Variants in DIP2C observed in about 807,000 individuals in gnomAD.
The protein encoded by DIP2C is DIP2 acetate--CoA ligase C (putative), also known as disco-interacting protein 2 homolog C.
Under a neutral mutation model 192.4 loss-of-function variants are expected in DIP2C, and 33 were observed. The ratio of observed to expected loss-of-function variants is 0.17; its 90% CI spans 0.13 to 0.23. The LOEUF is 0.23. Among genes scored for constraint, DIP2C ranks in the 10% least tolerant of loss-of-function variants. DIP2C has a pLI of 1.00. For synonymous variants in DIP2C, 979 were observed against 864.1 expected (o/e 1.13, Z -2.33); for missense variants, 1,537 against 2,110.1 (o/e 0.73, Z 5.32).
At chr10:343,247 C>T (rs918856696) in intron 28 of DIP2C, among the ~76,000 whole-genome samples, 6 of 152,232 alleles carry the variant, frequency 3.9e-5, no homozygotes, top group African/African-American at 9.6e-5. Context: ...TGAGATCGCA[C>T]CACTGCACTC....
intron 29 of DIP2C, among the ~76,000 whole-genome samples, chr10:339,233 T>C (rs1454057693): frequency 6.6e-6 from 1 of 151,908 alleles, no homozygotes; most frequent in African/African-American, 2.4e-5. Context: ...ACCCAAGTGC[T>C]TTTTTTGTTT....
chr10:304,991 C>T (rs955793106), intron 32 of DIP2C, among the ~76,000 whole-genome samples: 1 of 151,010 alleles, frequency 6.6e-6, no homozygotes, highest in Non-Finnish European at 1.5e-5. Context: ...TTGAAAGTCA[C>T]ACAACTGCAA....
chr10:552,876 T>C (rs1215284435), intron 1 of DIP2C, among the ~76,000 whole-genome samples: 1 of 152,208 alleles, frequency 6.6e-6, no homozygotes, highest in African/African-American at 2.4e-5. Flanking sequence ...ACCCCATGTC[T>C]GCCCTGGCTC....
chr10:555,897 C>T (rs1356100680), intron 1 of DIP2C, among the ~76,000 whole-genome samples: 4 of 152,130 alleles, frequency 2.6e-5, no homozygotes, highest in African/African-American at 7.2e-5. Context: ...GAACACCCTT[C>T]CTGCATGACC....
In DIP2C at chr10:313,196, C is replaced by G. The variant is rs533977602; in HGVS notation, c.3925-3104G>C. On this transcript the variant is annotated intron_variant, in intron 31 of 36. Transcript: ENST00000280886. The stretch of plus-strand genomic sequence containing the variant: ...TGCCAAAGAATGCTAGCCAGTGTTC[C>G]CTTAAATACGGAGATCCCTAATGCA... Among the ~76,000 whole-genome samples, 4 of 152,252 alleles carry G rather than the reference C, an allele frequency of 2.6e-5. No homozygotes were observed. The South Asian group carries it at 8.3e-4, about 32-fold the overall frequency.
intron 1 of DIP2C, among the ~76,000 whole-genome samples, chr10:619,162 C>G (rs1228213343): frequency 2.0e-5 from 3 of 152,150 alleles, no homozygotes; most frequent in Non-Finnish European, 4.4e-5. Context: ...ACACTGATGC[C>G]GTCCCCCTAA....
At chr10:439,558 A>C (rs184684724) in intron 4 of DIP2C, among the ~76,000 whole-genome samples, 220 of 152,036 alleles carry the variant, frequency 1.4e-3, no homozygotes, top group African/African-American at 4.8e-3. Flanking sequence ...TCACGGCTGC[A>C]GTGAGCCAAG....
At chr10:539,894 T>C (rs1426308577) in intron 1 of DIP2C, among the ~76,000 whole-genome samples, 1 of 152,220 alleles carries the variant, frequency 6.6e-6, no homozygotes, top group Non-Finnish European at 1.5e-5. Context: ...ATTTCAACGC[T>C]AACCAGTATA....
intron 1 of DIP2C, among the ~76,000 whole-genome samples, chr10:604,507 A>C (rs1024151005): frequency 6.6e-6 from 1 of 152,258 alleles, no homozygotes; most frequent in South Asian, 2.1e-4. Flanking sequence ...AAGTAAGTAC[A>C]GTGTGCCTGT....
At chr10:602,040 T>G (rs1387108984) in intron 1 of DIP2C, among the ~76,000 whole-genome samples, 3 of 139,224 alleles carry the variant, frequency 2.2e-5, no homozygotes, top group Non-Finnish European at 4.5e-5. Flanking sequence ...CAAGTCAGCC[T>G]AAGCCACATG....
chr10:517,508 C>T (rs190210230), intron 1 of DIP2C, among the ~76,000 whole-genome samples: 25 of 152,306 alleles, frequency 1.6e-4, no homozygotes, highest in Admixed American at 8.5e-4. Context: ...ACACCCACAA[C>T]GCCGAAGAGG....
chr10:550,006 CTTTTTTTT>C (rs11461177), intron 1 of DIP2C, among the ~76,000 whole-genome samples: 2 of 134,774 alleles, frequency 1.5e-5, no homozygotes, highest in South Asian at 2.5e-4. Context: ...GGACGTGTAG[CTTTTTTTT>C]TTTTTTTTTT....
At chr10:549,734 G>A (rs11253136) in intron 1 of DIP2C, among the ~76,000 whole-genome samples, 5,292 of 152,196 alleles carry the variant, frequency 0.035, 143 homozygotes, top group Non-Finnish European at 0.052. Flanking sequence ...CCCTACTCCC[G>A]ATTCTTGCCC....
At chr10:313,719 G>C (rs1172991534) in intron 31 of DIP2C, among the ~76,000 whole-genome samples, 2 of 152,126 alleles carry the variant, frequency 1.3e-5, no homozygotes, top group Non-Finnish European at 2.9e-5. Flanking sequence ...AGGGACAAAT[G>C]TATATACCAA....
chr10:604,638 C>T (rs563179007), intron 1 of DIP2C, among the ~76,000 whole-genome samples: 60 of 152,356 alleles, frequency 3.9e-4, no homozygotes, highest in Non-Finnish European at 7.5e-4. Flanking sequence ...TATTACAAAA[C>T]AGCTTCTCTT....
chr10:679,496 CCCCACACCCG>C (rs1564336559), intron 1 of DIP2C, among the ~76,000 whole-genome samples: 1 of 47,556 alleles, frequency 2.1e-5, no homozygotes, highest in Non-Finnish European at 4.5e-5. Flanking sequence ...CACCCCTGCT[CCCCACACCCG>C]TGCTCCCCAC....
At chr10:626,705 C>A (rs1854225878) in intron 1 of DIP2C, among the ~76,000 whole-genome samples, 2 of 152,068 alleles carry the variant, frequency 1.3e-5, no homozygotes, top group Non-Finnish European at 2.9e-5. Flanking sequence ...GCCCCTCTCA[C>A]TGTTGCCCAG....
intron 1 of DIP2C, among the ~76,000 whole-genome samples, chr10:659,715 C>G (rs1258389005): frequency 2.0e-5 from 3 of 152,224 alleles, no homozygotes; most frequent in African/African-American, 7.2e-5. Flanking sequence ...CTTTTCGTTA[C>G]CCCTGGCAAC....
chr10:586,651 G>C (rs1437850490), intron 1 of DIP2C, among the ~76,000 whole-genome samples: 2 of 152,160 alleles, frequency 1.3e-5, no homozygotes, highest in Non-Finnish European at 2.9e-5. Flanking sequence ...ACAGATTTTT[G>C]TGAGGAAACT....
Sources: gnomAD v4.1 joint callset for allele counts (sites outside exome capture counted in the v4.1 genomes callset) on GRCh38, gnomAD v4.1.1 for gene constraint, MANE v1.5 for transcripts, NCBI Gene and HGNC (gene_info 2026-07-23, HGNC 2026-07-21) for gene names.